WNT5A: variants seen among roughly 807,000 people sequenced by gnomAD.
WNT5A encodes Wnt family member 5A.
In WNT5A, 9 loss-of-function variants were observed where a neutral mutation model predicts 42.1. That is an observed-to-expected ratio of 0.21 (90% CI 0.13 to 0.37). The LOEUF (loss-of-function observed/expected upper bound fraction) is 0.37. Ranked by LOEUF, WNT5A falls within the 10% of genes least tolerant of loss-of-function variation. WNT5A has a pLI of 1.00. For synonymous variants in WNT5A, 210 were observed against 210.0 expected (o/e 1.00, Z 0.00); for missense variants, 426 against 534.0 (o/e 0.80, Z 1.99).
rs900060363 is a variant in WNT5A at position 55,469,968 on chromosome 3, A to T, written c.*124T>A. On this transcript the variant is annotated 3_prime_UTR_variant, in exon 5 of 5. Coordinates refer to ENST00000264634, the MANE Select transcript of WNT5A (RefSeq NM_003392.7). The stretch of plus-strand genomic sequence containing the variant: ...TTCTTAGATGGTAACAGGAAAAAAA[A>T]TGGTTCCGGTTGCAATTCTTGGGGA... The T allele has an allele frequency of 1.8e-6, 2 of 1,104,738 alleles. No homozygotes were observed. Among genetic ancestry groups the T allele is most frequent in the Non-Finnish European group, 2.6e-6 (2 of 758,224 alleles). The allele number at this position is 1,104,738 out of a possible 1,614,324, so 68.4% of individuals were successfully genotyped here. A position where few individuals can be genotyped will look rare whatever the true frequency, so the allele number is the denominator to read the frequency against.
rs1291527750 is a variant in WNT5A at position 55,487,060 on chromosome 3, G to C, written c.-75C>G. 4.1e-6 allele frequency: 6 copies of C among 1,448,622 alleles called. No homozygotes were observed. In the African/African-American group the frequency reaches 5.6e-5, roughly 13 times the overall value. The allele number at this position is 1,448,622 out of a possible 1,614,324, so 89.7% of individuals were successfully genotyped here. A position where few individuals can be genotyped will look rare whatever the true frequency, so the allele number is the denominator to read the frequency against. ...GCCGAGGAATCCGAGCGGAGCGACCGGGTTAAGCCTGGGGGGACGGTCAGG... is the reference window on the plus strand; with the variant it reads ...GCCGAGGAATCCGAGCGGAGCGACCCGGTTAAGCCTGGGGGGACGGTCAGG... On this transcript the variant is annotated 5_prime_UTR_variant, in exon 1 of 5. Coordinates refer to ENST00000264634, the MANE Select transcript of WNT5A (RefSeq NM_003392.7).
chr3:55,489,450 C>A (rs965820350), upstream of WNT5A, among the ~76,000 whole-genome samples: 7 of 152,080 alleles, frequency 4.6e-5, no homozygotes, highest in Non-Finnish European at 8.8e-5. Flanking sequence ...CACCCCCACA[C>A]CCCAGAGGGC....
In WNT5A at chr3:55,470,194, G is replaced by T. The variant is rs1182836998; in HGVS notation, c.1041C>A (p.Phe347Leu). The change falls in exon 5 of 5, where the codon TTC (phenylalanine) becomes TTA (leucine). Residue 347 changes from phenylalanine to leucine, a missense_variant. Phe to Leu is a conservative substitution (Grantham distance 22, BLOSUM62 0). Around this residue, in one of 3 missense-constraint regions of WNT5A, gnomAD observed 358 missense variants for 468.1 expected, o/e 0.76. Coordinates refer to ENST00000264634, the MANE Select transcript of WNT5A (RefSeq NM_003392.7). ...LMCCGRGYDQ[F>L]KTVQTERCHC... ...GGCAGCGCTCCGTCTGCACGGTCTT[G>T]AACTGGTCGTAGCCACGGCCGCAGC... 4 of 1,613,908 alleles carry T rather than the reference G, an allele frequency of 2.5e-6. No individual in the cohort carries two copies. The African/African-American group carries it at 4.0e-5, about 16-fold the overall frequency.
rs1180898903 is a variant in WNT5A at position 55,468,636 on chromosome 3, A to T, written c.*1456T>A. ...GCTGCAATGAGATATATTTATATTT[A>T]TATTTATATATATGTATATATATAT... is the stretch of plus-strand genomic sequence containing the variant. On this transcript the variant is annotated 3_prime_UTR_variant, in exon 5 of 5. Transcript: ENST00000264634. The T allele has an allele frequency of 6.7e-6, 1 of 149,422 alleles. No individual in the cohort carries two copies. The highest frequency in any genetic ancestry group is 1.9e-4 in the East Asian group (1 of 5,138). The allele number at this position is 149,422 out of a possible 1,614,324, so 9.3% of individuals were successfully genotyped here.
At chr3:55,481,906 C>T (rs955866179) in intron 1 of WNT5A, among the ~76,000 whole-genome samples, 1 of 152,188 alleles carries the variant, frequency 6.6e-6, no homozygotes, top group African/African-American at 2.4e-5. Flanking sequence ...TCCCTCCCAC[C>T]CCACACCTGG....
At chr3:55,499,538 G>GT in the WNT5A span, among the ~76,000 whole-genome samples, 132 of 152,278 alleles carry the variant, frequency 8.7e-4, no homozygotes, top group African/African-American at 3.0e-3. Context: ...TGATTTCCAT[G>GT]TTTTTTCTGA....
At chr3:55,482,896 C>G (rs1184363861) in intron 1 of WNT5A, among the ~76,000 whole-genome samples, 1 of 152,220 alleles carries the variant, frequency 6.6e-6, no homozygotes. Context: ...ACACATCATA[C>G]ACATTCACAC....
rs2051137395 is a variant in WNT5A at position 55,466,041 on chromosome 3, A to AT, written c.*4050dup. On this transcript the variant is annotated 3_prime_UTR_variant, in exon 5 of 5. Coordinates refer to ENST00000264634, the MANE Select transcript of WNT5A (RefSeq NM_003392.7). ...GTGTAAAGTTTGTGTGAACAGGGAAATTAGATCATTTCTCTAAGTTTTAAT... is the reference window on the plus strand; with the variant it reads ...GTGTAAAGTTTGTGTGAACAGGGAAATTTAGATCATTTCTCTAAGTTTTAAT... The AT allele has an allele frequency of 6.6e-6, 1 of 152,238 alleles. No individual in the cohort carries two copies. Among genetic ancestry groups the AT allele is most frequent in the South Asian group, 2.1e-4 (1 of 4,826 alleles). The allele number at this position is 152,238 out of a possible 1,614,324, so 9.4% of individuals were successfully genotyped here.
chr3:55,466,960 T>C lies in WNT5A; in HGVS notation c.*3132A>G, dbSNP rs983866999. ...CGGAAAGAGAAAAAGCAAAGGCTAA[T>C]GTATCAATCTGTGGAGCACTGTCCA... On this transcript the variant is annotated 3_prime_UTR_variant, in exon 5 of 5. Coordinates refer to ENST00000264634, the MANE Select transcript of WNT5A (RefSeq NM_003392.7). 1 of 152,430 alleles carries C rather than the reference T, an allele frequency of 6.6e-6. No individual in the cohort carries two copies. Among genetic ancestry groups the C allele is most frequent in the Middle Eastern group, 3.4e-3 (1 of 294 alleles). The allele number at this position is 152,430 out of a possible 1,614,324, so 9.4% of individuals were successfully genotyped here.
intron 1 of WNT5A, among the ~76,000 whole-genome samples, chr3:55,484,257 TAGCAGGA>T (rs2051528614): frequency 6.6e-6 from 1 of 152,126 alleles, no homozygotes; most frequent in African/African-American, 2.4e-5. Context: ...ATGCAGAAAC[TAGCAGGA>T]GAGCACTCAG....
chr3:55,473,414 T>G (rs2051288673), intron 4 of WNT5A, among the ~76,000 whole-genome samples: 1 of 152,216 alleles, frequency 6.6e-6, no homozygotes, highest in Admixed American at 6.5e-5. Flanking sequence ...AAGAAAAGTT[T>G]TCACCCCTTC....
the WNT5A span, among the ~76,000 whole-genome samples, chr3:55,504,267 T>C: frequency 6.6e-6 from 1 of 151,280 alleles, no homozygotes; most frequent in South Asian, 2.1e-4. Flanking sequence ...AGACTCTGTC[T>C]CAAAAAAATA....
At chr3:55,475,021 G>C (rs934453048) in intron 3 of WNT5A, among the ~76,000 whole-genome samples, 3 of 151,940 alleles carry the variant, frequency 2.0e-5, no homozygotes, top group Non-Finnish European at 4.4e-5. Flanking sequence ...AGCTTGAGGG[G>C]AAGCCAAGCA....
At chr3:55,499,238 C>T in the WNT5A span, among the ~76,000 whole-genome samples, 112 of 152,284 alleles carry the variant, frequency 7.4e-4, 3 homozygotes, top group African/African-American at 2.4e-3. Context: ...AATATCTTGT[C>T]GGGCTAGGAA....
chr3:55,486,335 G>C (rs2051577576), intron 1 of WNT5A, among the ~76,000 whole-genome samples: 1 of 152,104 alleles, frequency 6.6e-6, no homozygotes, highest in East Asian at 1.9e-4. Flanking sequence ...CTAATAACGC[G>C]ACCCCGCTCC....
intron 1 of WNT5A, among the ~76,000 whole-genome samples, chr3:55,481,900 T>A (rs1206764020): frequency 6.6e-6 from 1 of 151,918 alleles, no homozygotes; most frequent in South Asian, 2.1e-4. Flanking sequence ...TCACTCTCCC[T>A]CCCACCCCAC....
chr3:55,490,163 C>T (rs1427113036), upstream of WNT5A: 1 of 152,220 alleles, frequency 6.6e-6, no homozygotes, highest in Non-Finnish European at 1.5e-5. Context: ...GTAGAGGATC[C>T]TATTCTATGA....
At position 55,469,479 on chromosome 3, in the gene WNT5A, T is replaced by TG. The variant is rs1301491996; in HGVS notation, c.*612dup. On this transcript the variant is annotated 3_prime_UTR_variant, in exon 5 of 5. Coordinates refer to ENST00000264634, the MANE Select transcript of WNT5A (RefSeq NM_003392.7). The stretch of plus-strand genomic sequence containing the variant: ...TGGAATATTTGAGGAGAATGAGACA[T>TG]GTGATATACCTTTTTTCCTTGAGAA... The TG allele has an allele frequency of 6.6e-6, 1 of 152,422 alleles. No individual in the cohort carries two copies. Among genetic ancestry groups the TG allele is most frequent in the Non-Finnish European group, 1.5e-5 (1 of 68,186 alleles). 9.4% of individuals were successfully genotyped at this position (152,422 alleles called of 1,614,324 possible). A position where few individuals can be genotyped will look rare whatever the true frequency, so the allele number is the denominator to read the frequency against.
At chr3:55,474,190 C>T (rs1296770328) in intron 4 of WNT5A, 147 bp downstream of exon 4, 3 of 998,036 alleles carry the variant, frequency 3.0e-6, no homozygotes. Context: ...TAGGGAGAGA[C>T]AGAAAGAGAA....
Sources: allele counts gnomAD v4.1 joint callset (sites outside exome capture counted in the v4.1 genomes callset), GRCh38; gene constraint gnomAD v4.1.1; regional missense constraint gnomAD v4.1.1; transcripts MANE v1.5; gene names NCBI Gene and HGNC (gene_info 2026-07-23, HGNC 2026-07-21).